Variants in UNC13C observed in about 807,000 individuals in gnomAD.
UNC13C encodes the protein protein unc-13 homolog C.
UNC13C carries 174 observed loss-of-function variants against 245.4 expected under a neutral mutation model. That is an observed-to-expected ratio of 0.71 (90% confidence interval 0.63 to 0.80). The LOEUF is 0.80. UNC13C is among the 30% of genes least tolerant of loss of function. The pLI is 0.00. For missense variants in UNC13C, 2,829 were observed against 2,602.9 expected, an observed-to-expected ratio of 1.09 and a Z score of -1.89; for synonymous variants, 992 against 895.1, an observed-to-expected ratio of 1.11 and a Z score of -1.93.
chr15:54,073,399 T>C (rs1013131882), intron 2 of UNC13C, among the ~76,000 whole-genome samples: 2 of 152,236 alleles, frequency 1.3e-5, no homozygotes, highest in Non-Finnish European at 2.9e-5. Context: ...ATATACCCAG[T>C]AATGGGATTG....
chr15:53,915,159 G>A, the UNC13C span, among the ~76,000 whole-genome samples: 1 of 152,126 alleles, frequency 6.6e-6, no homozygotes, highest in Non-Finnish European at 1.5e-5. Flanking sequence ...CTGCCACAGG[G>A]GCCTGTGGAG....
At position 54,014,661 on chromosome 15, in the gene UNC13C, A is replaced by T. The variant is rs764582746; in HGVS notation, c.1758A>T (p.Leu586=). 2 of 1,613,582 alleles carry T rather than the reference A, an allele frequency of 1.2e-6. No homozygotes were observed. Among genetic ancestry groups the T allele is most frequent in the East Asian group, 4.5e-5 (2 of 44,850 alleles). Residue 586 remains leucine (L), a synonymous_variant, in exon 2 of 33, where the codon CTA becomes CTT. Transcript: ENST00000260323. The part of the protein sequence containing the change: ...SSLLSSSDRE[L]WQRKQEGTAT... ...TCCTGTCATCTTCGGACCGGGAGCT[A>T]TGGCAGAGGAAACAGGAAGGAACAG...
At chr15:54,464,385 A>G (rs934795609) in intron 19 of UNC13C, among the ~76,000 whole-genome samples, 1 of 152,132 alleles carries the variant, frequency 6.6e-6, no homozygotes, top group African/African-American at 2.4e-5. Context: ...TTATCTTCCA[A>G]GTATTTTTCA....
chr15:54,192,457 T>A (rs1382725663), intron 4 of UNC13C, among the ~76,000 whole-genome samples: 2 of 152,092 alleles, frequency 1.3e-5, no homozygotes, highest in Admixed American at 6.6e-5. Flanking sequence ...CATGAATCCT[T>A]TTAGCCTTTA....
At chr15:54,209,595 G>A (rs1419866042) in intron 4 of UNC13C, among the ~76,000 whole-genome samples, 2 of 151,836 alleles carry the variant, frequency 1.3e-5, no homozygotes, top group Non-Finnish European at 2.9e-5. Flanking sequence ...GTGTTTTTTT[G>A]TAGAGACAGG....
At chr15:54,397,756 A>G (rs1456765305) in intron 18 of UNC13C, among the ~76,000 whole-genome samples, 1 of 151,350 alleles carries the variant, frequency 6.6e-6, no homozygotes, top group African/African-American at 2.4e-5. Context: ...TTTTATTACT[A>G]TCTTAAATGG....
intron 24 of UNC13C, among the ~76,000 whole-genome samples, chr15:54,513,571 C>T (rs1300626867): frequency 1.3e-5 from 2 of 152,112 alleles, no homozygotes; most frequent in African/African-American, 2.4e-5. Context: ...ACAGGTTTCA[C>T]GCTATTCATT....
chr15:54,020,630 G>GTTAAGTTAAAGGGGGAAA (rs1236384837), intron 2 of UNC13C, among the ~76,000 whole-genome samples: 2 of 151,926 alleles, frequency 1.3e-5, no homozygotes, highest in African/African-American at 2.4e-5. Context: ...ACCTTTCAGA[G>GTTAAGTTAAAGGGGGAAA]TTAAGTAGAT....
chr15:53,872,876 C>G, the UNC13C span, among the ~76,000 whole-genome samples: 1 of 152,152 alleles, frequency 6.6e-6, no homozygotes, highest in Admixed American at 6.5e-5. Flanking sequence ...ATATTATTTT[C>G]TCCAATCCTT....
intron 18 of UNC13C, among the ~76,000 whole-genome samples, chr15:54,399,679 T>C (rs988794228): frequency 2.0e-5 from 3 of 151,906 alleles, no homozygotes; most frequent in Non-Finnish European, 4.4e-5. Flanking sequence ...AAGTTGTCTT[T>C]TCCATTTGCA....
At chr15:54,155,496 T>C (rs1027342031) in intron 4 of UNC13C, among the ~76,000 whole-genome samples, 1 of 152,230 alleles carries the variant, frequency 6.6e-6, no homozygotes, top group Non-Finnish European at 1.5e-5. Context: ...CAATAGAGTA[T>C]AATCATGTAT....
chr15:54,569,891 A>G (rs1445250234), intron 30 of UNC13C, among the ~76,000 whole-genome samples: 2 of 151,916 alleles, frequency 1.3e-5, no homozygotes, highest in East Asian at 3.9e-4. Flanking sequence ...TGCCTTGTGG[A>G]AACTTATTTC....
chr15:54,487,142 A>G (rs1376571699), intron 19 of UNC13C, among the ~76,000 whole-genome samples: 1 of 152,150 alleles, frequency 6.6e-6, no homozygotes, highest in Admixed American at 6.5e-5. Flanking sequence ...CAGAGAGTGT[A>G]TCTATGAGGT....
the UNC13C span, chr15:53,967,980 C>T: frequency 3.9e-5 from 6 of 151,988 alleles, no homozygotes; most frequent in Non-Finnish European, 4.4e-5. Context: ...CTTGTAGAAA[C>T]TACTCAGTAC....
intron 2 of UNC13C, among the ~76,000 whole-genome samples, chr15:54,136,869 A>G (rs1005834244): frequency 6.6e-6 from 1 of 150,880 alleles, no homozygotes; most frequent in Admixed American, 6.6e-5. Context: ...ACTTTAAGAC[A>G]GGGTCTTGCT....
chr15:54,039,455 A>C (rs934002432), intron 2 of UNC13C, among the ~76,000 whole-genome samples: 4 of 152,196 alleles, frequency 2.6e-5, no homozygotes, highest in African/African-American at 2.4e-5. Flanking sequence ...CACAGATGAC[A>C]CTAAAGTCAA....
At chr15:54,560,783 C>T (rs1357929729) in intron 29 of UNC13C, among the ~76,000 whole-genome samples, 1 of 151,734 alleles carries the variant, frequency 6.6e-6, no homozygotes, top group Non-Finnish European at 1.5e-5. Context: ...AGAAAGACAC[C>T]AATGTGCAAA....
intron 2 of UNC13C, among the ~76,000 whole-genome samples, chr15:54,101,183 C>G (rs1466104486): frequency 1.3e-5 from 2 of 151,788 alleles, no homozygotes; most frequent in Admixed American, 6.6e-5. Context: ...ATCTGGATAA[C>G]CTGTTAATCT....
the UNC13C span, among the ~76,000 whole-genome samples, chr15:53,850,605 T>C: frequency 6.6e-6 from 1 of 152,132 alleles, no homozygotes; most frequent in Admixed American, 6.6e-5. Flanking sequence ...TCCCTTAAAA[T>C]TTTTCTTCTT....
Sources: gnomAD v4.1 joint callset for allele counts (sites outside exome capture counted in the v4.1 genomes callset) on GRCh38, gnomAD v4.1.1 for gene constraint, MANE v1.5 for transcripts, NCBI Gene and HGNC (gene_info 2026-07-23, HGNC 2026-07-21) for gene names.